The following ITGB6 variants were observed in gnomAD, a reference collection of about 807,000 sequenced individuals.
ITGB6 encodes integrin subunit beta 6.
In ITGB6, 80 loss-of-function variants were observed where a neutral mutation model predicts 84.5. The observed-to-expected ratio is 0.95, with a 90% CI of 0.79 to 1.14. The LOEUF (loss-of-function observed/expected upper bound fraction) is 1.14. ITGB6 is among the 50% of genes most tolerant of loss of function. The probability of loss-of-function intolerance (pLI) is 0.00; values close to 1 mark genes in which losing one functional copy is unlikely to be tolerated. For synonymous variants in ITGB6, 383 were observed against 354.9 expected (o/e 1.08, Z -0.89); for missense variants, 1,006 against 968.0 (o/e 1.04, Z -0.52).
chr2:160,143,868 C>T (rs780896992), intron 7 of ITGB6, among the ~76,000 whole-genome samples: 1 of 152,096 alleles, frequency 6.6e-6, no homozygotes, highest in Non-Finnish European at 1.5e-5. Flanking sequence ...ATGCAGGGTG[C>T]CCCGGGCACT....
At chr2:160,187,427 C>G (rs1382587387) in intron 4 of ITGB6, among the ~76,000 whole-genome samples, 1 of 152,142 alleles carries the variant, frequency 6.6e-6, no homozygotes, top group East Asian at 1.9e-4. Flanking sequence ...TACCTGTTAT[C>G]TACTATCACC....
At chr2:160,188,497 G>A (rs1226996944) in intron 4 of ITGB6, among the ~76,000 whole-genome samples, 2 of 151,928 alleles carry the variant, frequency 1.3e-5, no homozygotes, top group African/African-American at 2.4e-5. Context: ...CAGTGCTCTG[G>A]TCTCCCCCTA....
At chr2:160,190,482 T>G (rs1009146061) in intron 4 of ITGB6, among the ~76,000 whole-genome samples, 6 of 152,174 alleles carry the variant, frequency 3.9e-5, no homozygotes, top group African/African-American at 1.4e-4. Context: ...CAAGACTGAA[T>G]CCAGGGCTGA....
chr2:160,146,318 A>G (rs1372774459), intron 7 of ITGB6, among the ~76,000 whole-genome samples: 1 of 152,218 alleles, frequency 6.6e-6, no homozygotes, highest in Non-Finnish European at 1.5e-5. Flanking sequence ...AAGAATTTGT[A>G]AAACCAAATG....
intron 13 of ITGB6, among the ~76,000 whole-genome samples, chr2:160,110,035 T>G (rs1697067981): frequency 1.3e-5 from 2 of 152,210 alleles, no homozygotes; most frequent in Non-Finnish European, 2.9e-5. Flanking sequence ...CTAGAAAATT[T>G]TAAATTACAT....
chr2:160,190,635 T>A (rs981040149), intron 4 of ITGB6, among the ~76,000 whole-genome samples: 3 of 152,164 alleles, frequency 2.0e-5, no homozygotes, highest in Admixed American at 6.6e-5. Context: ...TAGTTGGAAC[T>A]CAGTAAATTT....
At position 160,125,486 on chromosome 2, in the gene ITGB6, T is replaced by C. The variant is rs191853976; in HGVS notation, c.1883+893A>G. Among the ~76,000 whole-genome samples the C allele has an allele frequency of 8.7e-4, 132 of 152,364 alleles. No individual in the cohort carries two copies. The Middle Eastern group carries it at 0.017, about 20-fold the overall frequency. ...GATCCTATTCAAATCATCCTAATCA[T>C]GTCCTCATGCTTCTCCTGGCATGCG... is the stretch of plus-strand genomic sequence containing the variant. On this transcript the variant is annotated intron_variant, in intron 11 of 14. Coordinates refer to ENST00000283249, the MANE Select transcript of ITGB6 (RefSeq NM_000888.5).
intron 2 of ITGB6, among the ~76,000 whole-genome samples, 194 bp downstream of exon 2, chr2:160,198,982 CCTT>C (rs1686448026): frequency 6.6e-6 from 1 of 152,204 alleles, no homozygotes. Flanking sequence ...GACATCCACT[CCTT>C]CTACAAATTG....
At chr2:160,149,677 C>A (rs183182908) in intron 7 of ITGB6, among the ~76,000 whole-genome samples, 4 of 152,036 alleles carry the variant, frequency 2.6e-5, no homozygotes, top group Non-Finnish European at 4.4e-5. Flanking sequence ...TGAGGATGTT[C>A]GAACCCCTTG....
intron 7 of ITGB6, among the ~76,000 whole-genome samples, chr2:160,165,619 G>A (rs955987565): frequency 9.9e-5 from 15 of 152,178 alleles, no homozygotes; most frequent in Admixed American, 6.5e-4. Flanking sequence ...GGAAACTTAC[G>A]TATGGTGGAT....
At chr2:160,140,598 TTTAA>T (rs145757428) in intron 8 of ITGB6, among the ~76,000 whole-genome samples, 10,036 of 152,276 alleles carry the variant, frequency 0.066, 372 homozygotes, top group Middle Eastern at 0.14. Context: ...ACATTAAAAC[TTTAA>T]TTACTGCATG....
Position 160,144,234 on chromosome 2 carries a change from C to T in ITGB6, c.1018-2163G>A, listed in dbSNP as rs146434470. Among the ~76,000 whole-genome samples, 20 of 152,232 alleles carry T rather than the reference C, an allele frequency of 1.3e-4. No individual in the cohort carries two copies. In the East Asian group the frequency reaches 3.7e-3, roughly 28 times the overall value. ...GAACTCTTAACAGTGTGAGATGCTG[C>T]TCTGCCTTGACACTGTTTTATTATT... On this transcript the variant is annotated intron_variant, in intron 7 of 14. Transcript: ENST00000283249.
intron 8 of ITGB6, among the ~76,000 whole-genome samples, chr2:160,139,450 A>G (rs16844830): frequency 0.12 from 18,130 of 152,148 alleles, 2,029 homozygotes; most frequent in East Asian, 0.29. Context: ...GTATAGTAAA[A>G]TGACCCTGCC....
At chr2:160,133,492 C>G in intron 10 of ITGB6, among the ~76,000 whole-genome samples, 1 of 151,746 alleles carries the variant, frequency 6.6e-6, no homozygotes, top group East Asian at 1.9e-4. Flanking sequence ...CAACATTAGA[C>G]AGATGAGACA....
rs931936671 is a variant in ITGB6, at chr2:160,191,050, G to T, written c.593+4319C>A. 2.0e-5 allele frequency among the ~76,000 whole-genome samples: 3 copies of T among 152,062 alleles called. No homozygotes were observed. In the South Asian group the frequency reaches 6.2e-4, roughly 31 times the overall value. On this transcript the variant is annotated intron_variant, in intron 4 of 14. Transcript: ENST00000283249. ...AGAACTAAATACAAATTTTATTCAG[G>T]TATAATATTCTCTGATTTTAAAAAT... is the stretch of plus-strand genomic sequence containing the variant.
chr2:160,190,850 G>T (rs1031988311), intron 4 of ITGB6, among the ~76,000 whole-genome samples: 1 of 152,076 alleles, frequency 6.6e-6, no homozygotes, highest in Non-Finnish European at 1.5e-5. Context: ...CACACTCATT[G>T]GTTCCCATGG....
At chr2:160,169,440 A>G (rs1490032488) in intron 6 of ITGB6, 133 bp from the exon 7 acceptor site, 2 of 553,478 alleles carry the variant, frequency 3.6e-6, no homozygotes, top group Admixed American at 6.9e-5. Context: ...TATCACTCTA[A>G]GTAAACAAAT....
At chr2:160,167,061 T>C (rs766135582) in intron 7 of ITGB6, among the ~76,000 whole-genome samples, 6 of 152,256 alleles carry the variant, frequency 3.9e-5, no homozygotes, top group Non-Finnish European at 7.3e-5. Context: ...ATTTTCCTTC[T>C]GGAATTTTCA....
chr2:160,160,088 T>G (rs951532427), intron 7 of ITGB6, among the ~76,000 whole-genome samples: 1 of 152,220 alleles, frequency 6.6e-6, no homozygotes, highest in East Asian at 1.9e-4. Flanking sequence ...TGCTTGTTTT[T>G]GTAAATAACT....
Sources: gnomAD v4.1 joint callset for allele counts (sites outside exome capture counted in the v4.1 genomes callset) on GRCh38, gnomAD v4.1.1 for gene constraint, MANE v1.5 for transcripts, NCBI Gene and HGNC (gene_info 2026-07-23, HGNC 2026-07-21) for gene names.